Variants in NEUROD1 observed in about 807,000 individuals in gnomAD.
NEUROD1 encodes the protein neuronal differentiation 1.
A neutral mutation model predicts 21.8 loss-of-function variants in NEUROD1; 9 were observed. That is an observed-to-expected ratio of 0.41 (90% CI 0.25 to 0.72). The LOEUF is 0.72. NEUROD1 is among the 30% of genes least tolerant of loss of function. NEUROD1 has a pLI of 0.31. For missense variants in NEUROD1, 434 were observed against 468.8 expected, an observed-to-expected ratio of 0.93 and a Z score of 0.69; for synonymous variants, 199 against 186.2, an observed-to-expected ratio of 1.07 and a Z score of -0.56.
chr2:181,676,374 T>C (rs923357055), downstream of NEUROD1: 2 of 152,622 alleles, frequency 1.3e-5, no homozygotes, highest in African/African-American at 4.8e-5. Flanking sequence ...ATTCTACATA[T>C]AGTGTTTAGT....
chr2:181,674,311 C>A (rs1481383498), downstream of NEUROD1, among the ~76,000 whole-genome samples: 1 of 152,104 alleles, frequency 6.6e-6, no homozygotes, highest in African/African-American at 2.4e-5. Flanking sequence ...CATTAAACAG[C>A]AAAACTAAAC....
At chr2:181,671,130 A>G (rs2696348) in exon 2 of NEUROD1, among the ~76,000 whole-genome samples, 37,103 of 151,794 alleles carry the variant, frequency 0.24, 6,112 homozygotes, top group African/African-American at 0.47. Context: ...GTAGTTAATT[A>G]GACAAAAAAT....
At chr2:181,668,425 C>T (rs1009821397), downstream of NEUROD1, among the ~76,000 whole-genome samples, 20 of 152,064 alleles carry the variant, frequency 1.3e-4, no homozygotes, top group African/African-American at 3.4e-4. Context: ...CTGGGACCCC[C>T]TATAGTTCTT....
downstream of NEUROD1, among the ~76,000 whole-genome samples, chr2:181,676,031 TA>T (rs1229621427): frequency 6.6e-6 from 1 of 152,114 alleles, no homozygotes; most frequent in Non-Finnish European, 1.5e-5. Flanking sequence ...ACCAAGAAAA[TA>T]GTAATGTTTT....
In NEUROD1 at chr2:181,677,848, C is replaced by G. The variant is rs767837260; in HGVS notation, c.1013G>C (p.Ser338Thr). Residue 338 changes from serine to threonine, a missense_variant, in exon 2 of 2, where the codon AGC (serine) becomes ACC (threonine). By Grantham distance (58) the Ser-to-Thr change is moderately conservative. Transcript: ENST00000295108. ...CATGACTCGCTCATGATGTGAATGGCTATCGAAGGACATAATATTGTCTAT... is the reference window on the plus strand; with the variant it reads ...CATGACTCGCTCATGATGTGAATGGGTATCGAAGGACATAATATTGTCTAT... ...IPIDNIMSFDSHSHHERVMSA... is the reference protein window; with the variant it reads ...IPIDNIMSFDTHSHHERVMSA... The G allele has an allele frequency of 3.3e-5, 53 of 1,614,034 alleles. No individual in the cohort carries two copies. The Admixed American group carries it at 4.0e-4, about 12-fold the overall frequency.
In NEUROD1 at chr2:181,677,818, G is replaced by C. The variant is rs771797718; in HGVS notation, c.1043C>G (p.Ala348Gly). 6.2e-7 allele frequency: 1 copy of C among 1,614,072 alleles called. No homozygotes were observed. Among genetic ancestry groups the C allele is most frequent in the East Asian group, 2.2e-5 (1 of 44,874 alleles). The change falls in exon 2 of 2, where the codon GCC becomes GGC. Residue 348 changes from alanine to glycine, a missense_variant. Transcript: ENST00000295108. The part of the protein sequence containing the change: ...SHSHHERVMS[A>G]QLNAIFHD ...ATCATGAAATATGGCATTGAGCTGG[G>C]CACTCATGACTCGCTCATGATGTGA...
At chr2:181,671,025 G>GCACA (rs71004600) in exon 2 of NEUROD1, among the ~76,000 whole-genome samples, 7,881 of 146,554 alleles carry the variant, frequency 0.054, 219 homozygotes, top group South Asian at 0.1. Flanking sequence ...GCATATGTGT[G>GCACA]CACACACACA....
rs35681168 is a variant in NEUROD1, at chr2:181,679,269, T to TAA, written c.-11-400_-11-399dup. Among the ~76,000 whole-genome samples the TAA allele has an allele frequency of 1.6e-3, 218 of 136,924 alleles. 1 individual carries two copies. The highest frequency in any genetic ancestry group is 4.8e-3 in the African/African-American group (186 of 38,612). 89.8% of individuals were successfully genotyped at this position (136,924 alleles called of 152,430 possible). A position where few individuals can be genotyped will look rare whatever the true frequency, so the allele number is the denominator to read the frequency against. ...GTGTTCAAAGTTACTCACAACTCCA[T>TAA]AAAAAAAAAAAAAAGCTGTAAAATC... is the stretch of plus-strand genomic sequence containing the variant. On this transcript the variant is annotated intron_variant, in intron 1 of 1. Transcript: ENST00000295108.
At chr2:181,674,327 A>G (rs1398704870), downstream of NEUROD1, among the ~76,000 whole-genome samples, 2 of 151,960 alleles carry the variant, frequency 1.3e-5, no homozygotes, top group Non-Finnish European at 2.9e-5. Flanking sequence ...TAAACGAAAT[A>G]TTTTTTCCAG....
rs375390710 is a variant in NEUROD1 at position 181,678,110 on chromosome 2, C to A, written c.751G>T (p.Ala251Ser). Residue 251 changes from alanine (A) to serine (S), a missense_variant, in exon 2 of 2, where the codon GCA becomes TCA. By Grantham distance (99) the Ala-to-Ser change is moderately conservative. Transcript: ENST00000295108. This position sits in a 1 kb window ranked among gnomAD's most constrained non-coding sequence, Gnocchi z 5.5. ...HVKPPPHAYS[A>S]ALEPFFESPL... ...CTTTCAAAGAAGGGCTCCAGCGCTG[C>A]GCTGTAGGCGTGCGGCGGAGGCTTA... 122 of 1,614,200 alleles carry A rather than the reference C, an allele frequency of 7.6e-5. No homozygotes were observed. In the East Asian group the frequency reaches 1.3e-3, roughly 18 times the overall value.
chr2:181,672,261 T>C (rs898575738), downstream of NEUROD1, among the ~76,000 whole-genome samples: 2 of 152,220 alleles, frequency 1.3e-5, no homozygotes, highest in Non-Finnish European at 2.9e-5. Context: ...GAAATTAGTT[T>C]CAATTGTTTT....
chr2:181,673,603 A>C (rs1255198775), downstream of NEUROD1: 1 of 152,182 alleles, frequency 6.6e-6, no homozygotes, highest in East Asian at 1.9e-4. Context: ...TGTTAGAGAG[A>C]GAGAAAAGGA....
At chr2:181,672,553 T>A (rs1354310587), downstream of NEUROD1, among the ~76,000 whole-genome samples, 1 of 152,152 alleles carries the variant, frequency 6.6e-6, no homozygotes, top group African/African-American at 2.4e-5. Context: ...GCTATACAAG[T>A]AAATACATAA....
At chr2:181,670,521 T>C (rs761379893) in exon 2 of NEUROD1, among the ~76,000 whole-genome samples, 16 of 152,154 alleles carry the variant, frequency 1.1e-4, no homozygotes, top group Non-Finnish European at 2.2e-4. Flanking sequence ...GATTTTAGTA[T>C]ACCTATCAGT....
chr2:181,679,613 G>A (rs1033324313), intron 1 of NEUROD1, among the ~76,000 whole-genome samples: 21 of 152,218 alleles, frequency 1.4e-4, no homozygotes, highest in African/African-American at 5.1e-4. Flanking sequence ...GGGGCGCGGC[G>A]CAGAGCGCTC....
chr2:181,672,289 G>A (rs1302421659), downstream of NEUROD1, among the ~76,000 whole-genome samples: 6 of 152,184 alleles, frequency 3.9e-5, no homozygotes, highest in Non-Finnish European at 8.8e-5. Context: ...TAGAATTAAT[G>A]TTTATAACAC....
At chr2:181,671,889 A>ATTGAC (rs1688504577), downstream of NEUROD1, among the ~76,000 whole-genome samples, 1 of 152,200 alleles carries the variant, frequency 6.6e-6, no homozygotes, top group African/African-American at 2.4e-5. Context: ...ATACCCCTTC[A>ATTGAC]TTGACGTCAC....
In NEUROD1 at chr2:181,676,479, C is replaced by T. The variant is rs999004546; in HGVS notation, c.*1311G>A. On this transcript the variant is annotated 3_prime_UTR_variant, in exon 2 of 2. Coordinates refer to ENST00000295108, the MANE Select transcript of NEUROD1 (RefSeq NM_002500.5). ...GCAACAATTGCTCTCACTTTCAATA[C>T]TATTTTATTGCAACTGGATGAATGT... The T allele has an allele frequency of 6.6e-6, 1 of 152,626 alleles. No homozygotes were observed. Among genetic ancestry groups the T allele is most frequent in the Non-Finnish European group, 1.5e-5 (1 of 68,022 alleles). 9.5% of individuals were successfully genotyped at this position (152,626 alleles called of 1,614,324 possible).
chr2:181,676,066 A>G (rs1248820993), downstream of NEUROD1, among the ~76,000 whole-genome samples: 1 of 152,212 alleles, frequency 6.6e-6, no homozygotes, highest in Non-Finnish European at 1.5e-5. Context: ...GTATAGACAA[A>G]CTAAGCTAGG....
Sources: allele counts gnomAD v4.1 joint callset (sites outside exome capture counted in the v4.1 genomes callset), GRCh38; gene constraint gnomAD v4.1.1; non-coding constraint Gnocchi (gnomAD v3.1); transcripts MANE v1.5; gene names NCBI Gene and HGNC (gene_info 2026-07-23, HGNC 2026-07-21).